ASB3: variants seen among roughly 807,000 people sequenced by gnomAD.
ASB3 encodes the protein ankyrin repeat and SOCS box protein 3.
ASB3 carries 41 observed loss-of-function variants against 54.5 expected under a neutral mutation model. That is an observed-to-expected ratio of 0.75 (90% CI 0.59 to 0.98). The LOEUF (loss-of-function observed/expected upper bound fraction) is 0.98, where lower values mean the gene tolerates loss of function less well. Among genes scored for constraint, ASB3 ranks in the 50% least tolerant of loss-of-function variants. The pLI is 0.00. For missense variants in ASB3, 733 were observed against 620.0 expected (o/e 1.18, Z -1.94); for synonymous variants, 266 against 221.2 (o/e 1.20, Z -1.80).
At chr2:53,682,599 C>T (rs1460095115) in intron 9 of ASB3, among the ~76,000 whole-genome samples, 2 of 152,128 alleles carry the variant, frequency 1.3e-5, no homozygotes, top group Admixed American at 1.3e-4. Context: ...GCCTCAACCT[C>T]TTGAGTAGCT....
chr2:53,729,427 A>G (rs375527218), intron 4 of ASB3, 31 bp downstream of exon 4: 1 of 1,607,614 alleles, frequency 6.2e-7, no homozygotes, highest in Non-Finnish European at 8.5e-7. Context: ...CACAATTTAC[A>G]TGGAAATGAA....
intron 3 of ASB3, among the ~76,000 whole-genome samples, chr2:53,735,920 C>T (rs1448081593): frequency 1.3e-5 from 2 of 151,604 alleles, no homozygotes; most frequent in African/African-American, 4.8e-5. Context: ...AAAATCTTCA[C>T]CCCTGTCCCA....
intron 9 of ASB3, among the ~76,000 whole-genome samples, chr2:53,684,167 A>G (rs1433155296): frequency 6.6e-6 from 1 of 152,194 alleles, no homozygotes; most frequent in Non-Finnish European, 1.5e-5. Flanking sequence ...AGGAATTAAT[A>G]ACTAGATTCG....
chr2:53,687,167 A>G (rs1411355417), intron 9 of ASB3, among the ~76,000 whole-genome samples: 1 of 152,218 alleles, frequency 6.6e-6, no homozygotes, highest in Non-Finnish European at 1.5e-5. Flanking sequence ...AAAAACTTGG[A>G]TTAACAAGAG....
At chr2:53,760,858 T>A (rs1398939899) in intron 2 of ASB3, among the ~76,000 whole-genome samples, 3 of 152,214 alleles carry the variant, frequency 2.0e-5, no homozygotes, top group African/African-American at 7.2e-5. Context: ...GAATCAAAGC[T>A]GTAAAATTAC....
chr2:53,714,306 G>A (rs909112565), intron 7 of ASB3, 78 bp downstream of exon 7: 152 of 1,523,304 alleles, frequency 1.0e-4, no homozygotes, highest in Non-Finnish European at 1.1e-4. Flanking sequence ...AAGTTTCATC[G>A]TGAAAGAAAG....
chr2:53,705,379 C>T (rs748827604), intron 7 of ASB3, among the ~76,000 whole-genome samples: 2 of 152,044 alleles, frequency 1.3e-5, no homozygotes, highest in Non-Finnish European at 2.9e-5. Flanking sequence ...CTAAGAGATG[C>T]AAAAACAAAA....
At chr2:53,758,041 G>A (rs1280673851) in intron 2 of ASB3, among the ~76,000 whole-genome samples, 1 of 152,154 alleles carries the variant, frequency 6.6e-6, no homozygotes, top group East Asian at 1.9e-4. Context: ...GGGAGAGAGA[G>A]AAAAAGAGAG....
chr2:53,675,127 T>A (rs1461080624), intron 9 of ASB3, among the ~76,000 whole-genome samples: 1 of 152,134 alleles, frequency 6.6e-6, no homozygotes, highest in Non-Finnish European at 1.5e-5. Flanking sequence ...CTTCCCTGCA[T>A]CAAAAGGCTG....
chr2:53,704,267 T>C (rs1194423225), intron 7 of ASB3, among the ~76,000 whole-genome samples: 1 of 147,060 alleles, frequency 6.8e-6, no homozygotes, highest in Non-Finnish European at 1.5e-5. Context: ...GGCTGAGGCA[T>C]GAGAAACGCC....
chr2:53,758,066 G>A (rs939527056), intron 2 of ASB3, among the ~76,000 whole-genome samples: 1 of 152,102 alleles, frequency 6.6e-6, no homozygotes, highest in African/African-American at 2.4e-5. Context: ...AAGTAGTAAA[G>A]AAAAAACAGT....
At chr2:53,764,083 T>C (rs969103229) in intron 2 of ASB3, among the ~76,000 whole-genome samples, 4 of 152,028 alleles carry the variant, frequency 2.6e-5, no homozygotes, top group Admixed American at 2.6e-4. Context: ...AAAAACAATG[T>C]AAAGATTATT....
intron 1 of ASB3, among the ~76,000 whole-genome samples, chr2:53,780,478 G>A (rs539433896): frequency 6.6e-6 from 1 of 152,194 alleles, no homozygotes; most frequent in South Asian, 2.1e-4. Context: ...TAAAAGATGT[G>A]ATATAAAATA....
At chr2:53,765,126 A>G (rs1673363455) in intron 2 of ASB3, among the ~76,000 whole-genome samples, 2 of 152,228 alleles carry the variant, frequency 1.3e-5, no homozygotes, top group Non-Finnish European at 2.9e-5. Flanking sequence ...TACTTCTCCC[A>G]TATCACCTAG....
intron 1 of ASB3, among the ~76,000 whole-genome samples, chr2:53,781,623 G>A (rs1030068794): frequency 2.6e-5 from 4 of 152,138 alleles, no homozygotes; most frequent in African/African-American, 9.7e-5. Context: ...AGCCTCCAGA[G>A]TAGCTGAGAT....
chr2:53,707,414 G>A (rs532799520), intron 7 of ASB3, among the ~76,000 whole-genome samples: 99 of 152,146 alleles, frequency 6.5e-4, no homozygotes, highest in Non-Finnish European at 9.1e-4. Context: ...AGGCTGAGGC[G>A]GGCAGATCAC....
At chr2:53,695,334 G>A (rs1572857722) in intron 8 of ASB3, among the ~76,000 whole-genome samples, 1 of 152,032 alleles carries the variant, frequency 6.6e-6, no homozygotes, top group Non-Finnish European at 1.5e-5. Flanking sequence ...CAGATGTCTT[G>A]GGAAAACATT....
At chr2:53,735,554 A>G (rs567397659) in intron 3 of ASB3, among the ~76,000 whole-genome samples, 4 of 152,064 alleles carry the variant, frequency 2.6e-5, no homozygotes, top group Non-Finnish European at 4.4e-5. Context: ...AAAAATATCA[A>G]TTCTCCCCAA....
At chr2:53,684,505 T>G (rs775650768) in intron 9 of ASB3, among the ~76,000 whole-genome samples, 2 of 152,224 alleles carry the variant, frequency 1.3e-5, no homozygotes, top group African/African-American at 4.8e-5. Flanking sequence ...TGGTTCTCAC[T>G]GATTATGAGA....
Sources: allele counts gnomAD v4.1 joint callset (sites outside exome capture counted in the v4.1 genomes callset), GRCh38; gene constraint gnomAD v4.1.1; transcripts MANE v1.5; gene names NCBI Gene and HGNC (gene_info 2026-07-23, HGNC 2026-07-21).